TRIM67: variants seen among roughly 807,000 people sequenced by gnomAD.
TRIM67 encodes tripartite motif-containing protein 67.
In TRIM67, 39 loss-of-function variants were observed where a neutral mutation model predicts 71.0. The observed-to-expected ratio is 0.55, with a 90% CI of 0.43 to 0.72. The LOEUF (loss-of-function observed/expected upper bound fraction) is 0.72. Among genes scored for constraint, TRIM67 ranks in the 30% least tolerant of loss-of-function variants. The pLI is 0.00. For missense variants in TRIM67, 973 were observed against 1,079.2 expected (o/e 0.90, Z 1.38); for synonymous variants, 481 against 473.9 (o/e 1.01, Z -0.19).
Position 231,181,375 on chromosome 1 carries a change from A to G in TRIM67, c.1045-15996A>G, listed in dbSNP as rs142864250. Among the ~76,000 whole-genome samples, 11 of 152,358 alleles carry G rather than the reference A, an allele frequency of 7.2e-5. No homozygotes were observed. The East Asian group carries it at 1.9e-3, about 27-fold the overall frequency. On this transcript the variant is annotated intron_variant, in intron 1 of 9. Transcript: ENST00000366653. ...CTTCAGCCTGAATCCTGAAATGCAG[A>G]GGACGGGAAATAGAGCTGCAGGTGA...
chr1:231,200,924 G>C (rs183452306), intron 4 of TRIM67, among the ~76,000 whole-genome samples: 2 of 152,106 alleles, frequency 1.3e-5, no homozygotes, highest in Non-Finnish European at 2.9e-5. Flanking sequence ...AGAAACACAC[G>C]GGCAGGGGGC....
At position 231,218,857 on chromosome 1, in the gene TRIM67, T is replaced by C. The variant is rs1444919148; in HGVS notation, c.*3417T>C. 1 of 985,354 alleles carries C rather than the reference T, an allele frequency of 1.0e-6. No homozygotes were observed. The highest frequency in any genetic ancestry group is 1.2e-6 in the Non-Finnish European group (1 of 829,956). The allele number at this position is 985,354 out of a possible 1,614,324, so 61.0% of individuals were successfully genotyped here. A position where few individuals can be genotyped will look rare whatever the true frequency, so the allele number is the denominator to read the frequency against. On this transcript the variant is annotated 3_prime_UTR_variant, in exon 10 of 10. Coordinates refer to ENST00000366653, the MANE Select transcript of TRIM67 (RefSeq NM_001004342.5). The stretch of plus-strand genomic sequence containing the variant: ...CTGGGGGCAGGCCCACCCTCCTCTT[T>C]GCGCCCTTTCTCTCCCTCTTGGTGC...
intron 1 of TRIM67, among the ~76,000 whole-genome samples, chr1:231,188,105 C>T (rs1198727364): frequency 6.6e-6 from 1 of 152,102 alleles, no homozygotes; most frequent in African/African-American, 2.4e-5. Flanking sequence ...CCCTTCCACC[C>T]CTCCATCACA....
chr1:231,186,014 T>G, intron 1 of TRIM67: 1 of 1,366,924 alleles, frequency 7.3e-7, no homozygotes, highest in South Asian at 1.2e-5. Flanking sequence ...GGAAGATAGG[T>G]GCTTGGGTTG....
chr1:231,217,669 G>A lies in TRIM67; in HGVS notation c.*2229G>A. 8.5e-7 allele frequency: 1 copy of A among 1,171,746 alleles called. No individual in the cohort carries two copies. Among genetic ancestry groups the A allele is most frequent in the Non-Finnish European group, 1.1e-6 (1 of 930,708 alleles). 72.6% of individuals were successfully genotyped at this position (1,171,746 alleles called of 1,614,324 possible). On this transcript the variant is annotated 3_prime_UTR_variant, in exon 10 of 10. Transcript: ENST00000366653. ...TGCCTGGTGACAGCAGCTTCTCACA[G>A]GGGAGCCCTGGGGAAGGCTGTGGAG...
At chr1:231,202,946 G>A (rs1183070155) in intron 5 of TRIM67, among the ~76,000 whole-genome samples, 1 of 152,118 alleles carries the variant, frequency 6.6e-6, no homozygotes, top group Non-Finnish European at 1.5e-5. Context: ...TAACTGGACT[G>A]GATGGGGTCA....
intron 8 of TRIM67, among the ~76,000 whole-genome samples, chr1:231,210,227 A>T (rs1164336139): frequency 2.0e-5 from 3 of 152,140 alleles, no homozygotes; most frequent in African/African-American, 7.2e-5. Context: ...GAACTTCAAG[A>T]GCTGACCTTG....
chr1:231,199,633 G>A (rs1261917310), intron 3 of TRIM67, among the ~76,000 whole-genome samples: 1 of 152,174 alleles, frequency 6.6e-6, no homozygotes, highest in African/African-American at 2.4e-5. Flanking sequence ...CCCTAACTCA[G>A]CCAGGCACCC....
At chr1:231,214,694 G>A (rs535490279) in intron 9 of TRIM67, among the ~76,000 whole-genome samples, 49 of 150,580 alleles carry the variant, frequency 3.3e-4, no homozygotes, top group African/African-American at 1.1e-3. Flanking sequence ...TAGGAGAATG[G>A]CATGAACCCG....
chr1:231,191,224 C>A (rs1683220660), intron 1 of TRIM67, among the ~76,000 whole-genome samples: 1 of 152,170 alleles, frequency 6.6e-6, no homozygotes, highest in Admixed American at 6.5e-5. Flanking sequence ...CCACCACACT[C>A]AGCTAATTTT....
At chr1:231,196,460 A>G (rs1412928394) in intron 1 of TRIM67, among the ~76,000 whole-genome samples, 1 of 151,820 alleles carries the variant, frequency 6.6e-6, no homozygotes, top group East Asian at 1.9e-4. Context: ...AAAAAATGCA[A>G]AAATTAGCTG....
chr1:231,209,338 A>G lies in TRIM67; in HGVS notation c.2123+88A>G, dbSNP rs1262174848. The G allele has an allele frequency of 2.9e-6, 4 of 1,383,028 alleles. No homozygotes were observed. Among genetic ancestry groups the G allele is most frequent in the Non-Finnish European group, 3.8e-6 (4 of 1,043,314 alleles). 85.7% of individuals were successfully genotyped at this position (1,383,028 alleles called of 1,614,324 possible). A position where few individuals can be genotyped will look rare whatever the true frequency, so the allele number is the denominator to read the frequency against. On this transcript the variant is annotated intron_variant, in intron 8 of 9. Coordinates refer to ENST00000366653, the MANE Select transcript of TRIM67 (RefSeq NM_001004342.5). The surrounding 1 kb of genome is among the most constrained non-coding windows in gnomAD (Gnocchi z 4.1). ...GACCAGTGTCCCTTCTGCTGTCCCCAAAGCCAGGAGGAATTGAGAGGAGGT... is the reference window on the plus strand; with the variant it reads ...GACCAGTGTCCCTTCTGCTGTCCCCGAAGCCAGGAGGAATTGAGAGGAGGT...
At chr1:231,164,327 C>A (rs1682392028) in intron 1 of TRIM67, among the ~76,000 whole-genome samples, 1 of 152,178 alleles carries the variant, frequency 6.6e-6, no homozygotes, top group African/African-American at 2.4e-5. Flanking sequence ...TTACTCCCAA[C>A]GTCTGACTAA....
rs1200119496 is a variant in TRIM67 at position 231,217,678 on chromosome 1, T to C, written c.*2238T>C. The stretch of plus-strand genomic sequence containing the variant: ...ACAGCAGCTTCTCACAGGGGAGCCC[T>C]GGGGAAGGCTGTGGAGCCTCCACCA... On this transcript the variant is annotated 3_prime_UTR_variant, in exon 10 of 10. Coordinates refer to ENST00000366653, the MANE Select transcript of TRIM67 (RefSeq NM_001004342.5). 1 of 1,177,544 alleles carries C rather than the reference T, an allele frequency of 8.5e-7. No individual in the cohort carries two copies. The highest frequency in any genetic ancestry group is 1.1e-6 in the Non-Finnish European group (1 of 933,540). 72.9% of individuals were successfully genotyped at this position (1,177,544 alleles called of 1,614,324 possible).
intron 1 of TRIM67, among the ~76,000 whole-genome samples, chr1:231,166,784 A>G (rs1682478965): frequency 6.6e-6 from 1 of 152,248 alleles, no homozygotes; most frequent in Admixed American, 6.5e-5. Flanking sequence ...ACCTTTTAAA[A>G]GCAGTGTAAA....
chr1:231,204,661 G>A (rs75694268), intron 6 of TRIM67, among the ~76,000 whole-genome samples: 1 of 152,282 alleles, frequency 6.6e-6, no homozygotes, highest in East Asian at 1.9e-4. Context: ...GGACATGAAT[G>A]CCAGAGAGCA....
intron 1 of TRIM67, chr1:231,187,559 G>A: frequency 6.5e-6 from 10 of 1,532,608 alleles, no homozygotes; most frequent in Non-Finnish European, 8.7e-6. Context: ...GAAATCCCCT[G>A]TGGTCCATTT....
intron 1 of TRIM67, among the ~76,000 whole-genome samples, chr1:231,171,996 T>G (rs938737513): frequency 1.4e-4 from 22 of 152,112 alleles, no homozygotes; most frequent in Non-Finnish European, 5.9e-5. Flanking sequence ...CTCAAGAGGC[T>G]GAGGCAGAGG....
chr1:231,215,516 A>G lies in TRIM67; in HGVS notation c.*76A>G, dbSNP rs1683993519. ...ACGCCCACCATTCTCACTAAGCTCA[A>G]ATAACCCACAAAAGCAGGATATGCA... On this transcript the variant is annotated 3_prime_UTR_variant, in exon 10 of 10. Transcript: ENST00000366653. The G allele has an allele frequency of 6.0e-6, 9 of 1,488,066 alleles. No homozygotes were observed. In the South Asian group the frequency reaches 1.0e-4, roughly 17 times the overall value. The allele number at this position is 1,488,066 out of a possible 1,614,324, so 92.2% of individuals were successfully genotyped here.
Sources: allele counts gnomAD v4.1 joint callset (sites outside exome capture counted in the v4.1 genomes callset), GRCh38; gene constraint gnomAD v4.1.1; non-coding constraint Gnocchi (gnomAD v3.1); transcripts MANE v1.5; gene names NCBI Gene and HGNC (gene_info 2026-07-23, HGNC 2026-07-21).